The following TECTB variants were observed in gnomAD, a reference collection of about 807,000 sequenced individuals.
TECTB encodes the protein beta-tectorin.
TECTB carries 45 observed loss-of-function variants against 43.3 expected under a neutral mutation model. The observed-to-expected ratio is 1.04, with a 90% CI of 0.82 to 1.33. The LOEUF (loss-of-function observed/expected upper bound fraction) is 1.33. TECTB is among the 40% of genes most tolerant of loss of function. The pLI is 0.00. For missense variants in TECTB, 399 were observed against 404.7 expected (o/e 0.99, Z 0.12); for synonymous variants, 169 against 156.7 (o/e 1.08, Z -0.59).
intron 5 of TECTB, among the ~76,000 whole-genome samples, chr10:112,293,241 A>T (rs1193159589): frequency 3.3e-5 from 5 of 152,214 alleles, no homozygotes; most frequent in Non-Finnish European, 7.3e-5. Context: ...GTAGTTGATC[A>T]ATACATTGTG....
At position 112,284,526 on chromosome 10, in the gene TECTB, T is replaced by C; in HGVS notation, c.77-9T>C. ...AACTGATTTTAAACTATATGTGTGC[T>C]CTTTCCAGATGTCATTCTTGTGTTT... On this transcript the variant is annotated splice_polypyrimidine_tract_variant and intron_variant, in intron 2 of 10. Transcript: ENST00000646139. 6.3e-7 allele frequency: 1 copy of C among 1,596,080 alleles called. No individual in the cohort carries two copies.
Position 112,302,106 on chromosome 10 carries a change from G to A in TECTB, c.913G>A (p.Gly305Arg). Reference sequence around the variant, plus strand: ...TCTCTCTTTACTCACTACAGGCAGGGGATTTTCCAGTCTCTATAGCTTCTC... The same window carrying A: ...TCTCTCTTTACTCACTACAGGCAGGAGATTTTCCAGTCTCTATAGCTTCTC... ...LVVELSLRSR[G>R]FSSLYSFSDV... is the part of the protein sequence containing the mutation. Residue 305 changes from glycine to arginine, a missense_variant, in exon 10 of 11, where the codon GGA becomes AGA. Coordinates refer to ENST00000646139, the MANE Select transcript of TECTB (RefSeq NM_058222.3). The A allele has an allele frequency of 1.9e-6, 3 of 1,613,980 alleles. No individual in the cohort carries two copies. The highest frequency in any genetic ancestry group is 2.5e-6 in the Non-Finnish European group (3 of 1,179,918).
chr10:112,293,794 C>G lies in TECTB; in HGVS notation c.540C>G (p.Ile180Met). ...CCTTTGTCCTGGAGGCATCCGAAAT[C>G]GGTTCAGATCTGTTTGCAGGAGTGG... Reference protein sequence around the residue: ...EAPFVLEASEIGSDLFAGVEA... With the variant: ...EAPFVLEASEMGSDLFAGVEA... Residue 180 changes from isoleucine to methionine, a missense_variant, in exon 6 of 11, where the codon ATC (isoleucine) becomes ATG (methionine). Coordinates refer to ENST00000646139, the MANE Select transcript of TECTB (RefSeq NM_058222.3). The G allele has an allele frequency of 6.2e-7, 1 of 1,614,148 alleles. No individual in the cohort carries two copies. The highest frequency in any genetic ancestry group is 8.5e-7 in the Non-Finnish European group (1 of 1,180,036).
At chr10:112,286,447 G>C in intron 5 of TECTB, 56 bp downstream of exon 5, 2 of 1,545,232 alleles carry the variant, frequency 1.3e-6, no homozygotes, top group Non-Finnish European at 1.8e-6. Flanking sequence ...TCTAGGAGAT[G>C]GTGGGATGCT....
chr10:112,290,004 C>T (rs956201693), intron 5 of TECTB, among the ~76,000 whole-genome samples: 4 of 152,172 alleles, frequency 2.6e-5, no homozygotes, highest in African/African-American at 7.2e-5. Context: ...CTCTTACCCA[C>T]AGTTTTGCTT....
intron 7 of TECTB, among the ~76,000 whole-genome samples, chr10:112,296,177 C>T (rs1298076554): frequency 6.6e-6 from 1 of 152,116 alleles, no homozygotes; most frequent in African/African-American, 2.4e-5. Flanking sequence ...AAAAAAAAAC[C>T]CAGTTTGCAA....
intron 7 of TECTB, among the ~76,000 whole-genome samples, chr10:112,295,109 A>T (rs994191038): frequency 3.3e-4 from 50 of 152,240 alleles, no homozygotes; most frequent in African/African-American, 1.2e-3. Context: ...AGAGATGTGG[A>T]CATCATACAC....
At chr10:112,299,711 C>G in intron 9 of TECTB, 147 bp downstream of exon 9, 1 of 792,906 alleles carries the variant, frequency 1.3e-6, no homozygotes, top group Non-Finnish European at 2.0e-6. Context: ...TGGAGTCTTC[C>G]AGCCAGGGGT....
At chr10:112,295,798 G>A (rs781619746) in intron 7 of TECTB, among the ~76,000 whole-genome samples, 1 of 152,246 alleles carries the variant, frequency 6.6e-6, no homozygotes, top group Non-Finnish European at 1.5e-5. Context: ...TCTGCAGGGA[G>A]TTCTAGTGCC....
Position 112,284,654 on chromosome 10 carries a change from G to C in TECTB, c.196G>C (p.Gly66Arg). The C allele has an allele frequency of 6.2e-7, 1 of 1,613,534 alleles. No individual in the cohort carries two copies. The highest frequency in any genetic ancestry group is 8.5e-7 in the Non-Finnish European group (1 of 1,179,736). Residue 66 changes from glycine (G) to arginine (R), a missense_variant, in exon 3 of 11, where the codon GGA (glycine) becomes CGA (arginine). Transcript: ENST00000646139. Reference protein sequence around the residue: ...GGLCYNGVHEGGYYQFVIPDL... With the variant: ...GGLCYNGVHERGYYQFVIPDL... ...GCTGTGTTACAATGGGGTCCACGAA[G>C]GAGGTTACTACCAATTTGTGATCCC...
chr10:112,300,761 A>G (rs979806632), intron 9 of TECTB, among the ~76,000 whole-genome samples: 2 of 152,248 alleles, frequency 1.3e-5, no homozygotes, highest in African/African-American at 4.8e-5. Flanking sequence ...AGTATAATGC[A>G]AAGATTCCAA....
chr10:112,302,169 C>T (rs1302816260), intron 10 of TECTB, 36 bp downstream of exon 10: 1 of 1,610,770 alleles, frequency 6.2e-7, no homozygotes, highest in African/African-American at 1.3e-5. Context: ...TTTCGTGGGG[C>T]TATGCTGTTA....
chr10:112,295,171 A>C (rs1016706221), intron 7 of TECTB, among the ~76,000 whole-genome samples: 6 of 152,230 alleles, frequency 3.9e-5, no homozygotes, highest in Non-Finnish European at 7.3e-5. Context: ...AGCATGTAAC[A>C]GACCAATGTG....
At chr10:112,303,040 A>C in intron 10 of TECTB, 2 of 570,140 alleles carry the variant, frequency 3.5e-6, no homozygotes, top group South Asian at 4.9e-5. Context: ...ACCATGCACC[A>C]TCACTGATTT....
intron 9 of TECTB, among the ~76,000 whole-genome samples, chr10:112,300,320 A>G (rs549732906): frequency 7.2e-5 from 8 of 110,694 alleles, no homozygotes; most frequent in African/African-American, 2.8e-4. Context: ...AGAAAGAAAG[A>G]GAAAGAAAAA....
In TECTB at chr10:112,286,319, A is replaced by C. The variant is rs200099791; in HGVS notation, c.411A>C (p.Arg137Ser). 1 of 1,611,878 alleles carries C rather than the reference A, an allele frequency of 6.2e-7. No individual in the cohort carries two copies. Among genetic ancestry groups the C allele is most frequent in the Non-Finnish European group, 8.5e-7 (1 of 1,178,070 alleles). The stretch of plus-strand genomic sequence containing the variant: ...ATGCAAAATTCTCTCCCCTTTTCAG[A>C]GTGGCCACTGTTCACGTGAAGAACG... ...YLVNQAAFDQ[R>S]VATVHVKNGS... The change falls in exon 5 of 11, where the codon AGA (arginine) becomes AGC (serine). Residue 137 changes from arginine (R) to serine (S), a missense_variant and splice_region_variant. By Grantham distance (110) the Arg-to-Ser change is moderately radical. Coordinates refer to ENST00000646139, the MANE Select transcript of TECTB (RefSeq NM_058222.3).
intron 7 of TECTB, among the ~76,000 whole-genome samples, chr10:112,295,539 G>A (rs1848538012): frequency 6.6e-6 from 1 of 152,238 alleles, no homozygotes; most frequent in Non-Finnish European, 1.5e-5. Context: ...GGCTGGCCGA[G>A]GCACACCTGT....
At chr10:112,285,377 G>A (rs559999288) in intron 3 of TECTB, among the ~76,000 whole-genome samples, 3 of 152,292 alleles carry the variant, frequency 2.0e-5, no homozygotes, top group East Asian at 3.9e-4. Flanking sequence ...CCAGAAGGCT[G>A]TGCATCTATC....
chr10:112,292,117 C>G (rs1168147620), intron 5 of TECTB, among the ~76,000 whole-genome samples: 1 of 143,282 alleles, frequency 7.0e-6, no homozygotes, highest in African/African-American at 2.6e-5. Context: ...GCCTGGGTGA[C>G]AGAGCAAGAC....
Sources: allele counts gnomAD v4.1 joint callset (sites outside exome capture counted in the v4.1 genomes callset), GRCh38; gene constraint gnomAD v4.1.1; transcripts MANE v1.5; gene names NCBI Gene and HGNC (gene_info 2026-07-23, HGNC 2026-07-21).